Variants in STK39 observed in about 807,000 individuals in gnomAD.
The protein encoded by STK39 is serine/threonine kinase 39.
In STK39, 20 loss-of-function variants were observed where a neutral mutation model predicts 77.8. The ratio of observed to expected loss-of-function variants is 0.26; its 90% confidence interval spans 0.18 to 0.37. STK39 has a LOEUF of 0.37. STK39 is among the 10% of genes least tolerant of loss of function. STK39 has a pLI of 1.00. For synonymous variants in STK39, 246 were observed against 234.1 expected (o/e 1.05, Z -0.47); for missense variants, 479 against 656.5 (o/e 0.73, Z 2.95).
chr2:168,136,772 G>A (rs1171868005), intron 8 of STK39, among the ~76,000 whole-genome samples: 2 of 152,128 alleles, frequency 1.3e-5, no homozygotes, highest in Non-Finnish European at 2.9e-5. Context: ...GAATCTAAGA[G>A]CATTTCACCC....
At chr2:168,007,397 A>T (rs1328945865) in intron 16 of STK39, among the ~76,000 whole-genome samples, 1 of 152,198 alleles carries the variant, frequency 6.6e-6, no homozygotes, top group Non-Finnish European at 1.5e-5. Flanking sequence ...ATGTTTATGG[A>T]GGGCCTACTA....
intron 16 of STK39, among the ~76,000 whole-genome samples, chr2:167,971,043 A>T (rs1692329057): frequency 6.6e-6 from 1 of 152,222 alleles, no homozygotes; most frequent in Non-Finnish European, 1.5e-5. Flanking sequence ...ATGGTGTCAG[A>T]AGTGGGATCT....
At chr2:168,238,294 T>G (rs1351625409) in intron 1 of STK39, among the ~76,000 whole-genome samples, 2 of 150,556 alleles carry the variant, frequency 1.3e-5, no homozygotes. Context: ...TTCCATCTAG[T>G]TTTTTCTGAC....
At chr2:168,002,100 C>A (rs1426881574) in intron 16 of STK39, among the ~76,000 whole-genome samples, 2 of 152,214 alleles carry the variant, frequency 1.3e-5, no homozygotes, top group African/African-American at 2.4e-5. Context: ...TAGATATCTA[C>A]AACTAATCCA....
At chr2:168,181,215 G>A (rs1238990997) in intron 2 of STK39, among the ~76,000 whole-genome samples, 1 of 152,096 alleles carries the variant, frequency 6.6e-6, no homozygotes, top group African/African-American at 2.4e-5. Context: ...CAAATAAATG[G>A]CCAAAAGGGA....
At chr2:168,115,361 T>G (rs1284556121) in intron 10 of STK39, among the ~76,000 whole-genome samples, 2 of 152,224 alleles carry the variant, frequency 1.3e-5, no homozygotes, top group East Asian at 3.9e-4. Context: ...AGGCTGGGAT[T>G]TGAAACATAA....
chr2:168,201,864 T>C (rs1689619864), intron 1 of STK39, among the ~76,000 whole-genome samples: 2 of 152,228 alleles, frequency 1.3e-5, no homozygotes, highest in Admixed American at 1.3e-4. Flanking sequence ...CTTAGGACAC[T>C]GAGTCAAAAT....
intron 14 of STK39, among the ~76,000 whole-genome samples, chr2:168,027,063 G>A (rs1432766591): frequency 6.6e-6 from 1 of 152,084 alleles, no homozygotes; most frequent in Non-Finnish European, 1.5e-5. Flanking sequence ...ATATACTAGA[G>A]GAAAAAAGAA....
chr2:168,197,828 G>A (rs1479024521), intron 1 of STK39, among the ~76,000 whole-genome samples: 5 of 152,144 alleles, frequency 3.3e-5, no homozygotes, highest in African/African-American at 1.2e-4. Flanking sequence ...CTGAGGTCAG[G>A]AGTTTGAGAC....
intron 5 of STK39, among the ~76,000 whole-genome samples, chr2:168,144,982 A>C (rs1688098526): frequency 6.8e-6 from 1 of 147,302 alleles, no homozygotes; most frequent in Non-Finnish European, 1.5e-5. Context: ...CCGTCTCAGA[A>C]AAAAAAAAAA....
intron 13 of STK39, among the ~76,000 whole-genome samples, chr2:168,064,322 AT>A (rs1685740632): frequency 6.6e-6 from 1 of 152,160 alleles, no homozygotes; most frequent in Non-Finnish European, 1.5e-5. Flanking sequence ...ATCCATTATT[AT>A]TCTTAACTTG....
chr2:168,091,154 A>ACG (rs1686512909), intron 10 of STK39, among the ~76,000 whole-genome samples: 1 of 110,400 alleles, frequency 9.1e-6, no homozygotes, highest in Admixed American at 8.4e-5. Context: ...ACAGGTGCAC[A>ACG]CACACACACA....
intron 10 of STK39, among the ~76,000 whole-genome samples, chr2:168,125,932 G>T (rs1285334874): frequency 6.6e-6 from 1 of 152,164 alleles, no homozygotes; most frequent in Non-Finnish European, 1.5e-5. Flanking sequence ...GCACTGGTGG[G>T]CTCCATGGGG....
Position 168,139,183 on chromosome 2 carries a change from G to A in STK39, c.841-962C>T, listed in dbSNP as rs1000784912. On this transcript the variant is annotated intron_variant, in intron 7 of 17. Transcript: ENST00000355999. ...ACGTCAGGCTGGGACAAGCAAGTGC[G>A]ACTTTGAATTCAGGTGGGAAACACT... Among the ~76,000 whole-genome samples the A allele has an allele frequency of 3.3e-4, 50 of 152,172 alleles. 1 individual carries two copies. The highest frequency in any genetic ancestry group is 1.5e-3 in the Admixed American group (23 of 15,292).
chr2:168,144,747 G>C (rs947626488), intron 5 of STK39, among the ~76,000 whole-genome samples: 1 of 152,006 alleles, frequency 6.6e-6, no homozygotes, highest in African/African-American at 2.4e-5. Context: ...GAGGGGATAA[G>C]CATAAATATT....
chr2:168,017,531 C>T (rs936779585), intron 14 of STK39, among the ~76,000 whole-genome samples: 1 of 151,644 alleles, frequency 6.6e-6, no homozygotes, highest in East Asian at 1.9e-4. Flanking sequence ...CCACCATGTC[C>T]GGCTAATTTT....
At chr2:168,139,523 CA>C (rs1687926102) in intron 7 of STK39, among the ~76,000 whole-genome samples, 1 of 151,766 alleles carries the variant, frequency 6.6e-6, no homozygotes, top group African/African-American at 2.4e-5. Flanking sequence ...GTTGCACATC[CA>C]AACTTTCTAC....
intron 17 of STK39, among the ~76,000 whole-genome samples, chr2:167,960,487 A>C (rs1691920968): frequency 6.6e-6 from 1 of 152,176 alleles, no homozygotes; most frequent in Admixed American, 6.5e-5. Flanking sequence ...GGCCCAGCCA[A>C]AAAACCCTAA....
At chr2:167,974,124 GA>G (rs1683198551) in intron 16 of STK39, among the ~76,000 whole-genome samples, 1 of 152,076 alleles carries the variant, frequency 6.6e-6, no homozygotes, top group Non-Finnish European at 1.5e-5. Context: ...GATAATAAAA[GA>G]TTTTTGTTTG....
Sources: gnomAD v4.1 joint callset for allele counts (sites outside exome capture counted in the v4.1 genomes callset) on GRCh38, gnomAD v4.1.1 for gene constraint, MANE v1.5 for transcripts, NCBI Gene and HGNC (gene_info 2026-07-23, HGNC 2026-07-21) for gene names.